The following SLC2A13 variants were observed in gnomAD, a reference collection of about 807,000 sequenced individuals.
SLC2A13 encodes the protein solute carrier family 2 member 13, also known as proton myo-inositol cotransporter.
In SLC2A13, 32 loss-of-function variants were observed where a neutral mutation model predicts 64.4. The ratio of observed to expected loss-of-function variants is 0.50; its 90% CI spans 0.37 to 0.67. The LOEUF is 0.67. Ranked by LOEUF, SLC2A13 falls within the 30% of genes least tolerant of loss-of-function variation. SLC2A13 has a pLI of 0.00. For synonymous variants in SLC2A13, 338 were observed against 327.1 expected, an observed-to-expected ratio of 1.03 and a Z score of -0.36; for missense variants, 743 against 829.2, an observed-to-expected ratio of 0.90 and a Z score of 1.28.
intron 5 of SLC2A13, among the ~76,000 whole-genome samples, chr12:39,870,688 G>A (rs193194533): frequency 2.2e-3 from 332 of 152,208 alleles, no homozygotes; most frequent in African/African-American, 7.7e-3. Context: ...AATCATGTTT[G>A]CCCCTTAATC....
intron 6 of SLC2A13, among the ~76,000 whole-genome samples, chr12:39,848,987 C>T (rs1943395441): frequency 1.3e-5 from 2 of 151,872 alleles, no homozygotes; most frequent in Admixed American, 6.6e-5. Flanking sequence ...CTTATGAACA[C>T]AAAGAAGGAA....
At chr12:40,084,154 G>T (rs1938511880) in intron 1 of SLC2A13, among the ~76,000 whole-genome samples, 1 of 152,130 alleles carries the variant, frequency 6.6e-6, no homozygotes. Context: ...ATCTGGCAGG[G>T]TAACTGCAAA....
At chr12:39,902,280 T>A (rs1049607330) in intron 4 of SLC2A13, among the ~76,000 whole-genome samples, 2 of 151,788 alleles carry the variant, frequency 1.3e-5, no homozygotes, top group East Asian at 1.9e-4. Flanking sequence ...GCATGGCACA[T>A]GTATACATAT....
intron 3 of SLC2A13, among the ~76,000 whole-genome samples, chr12:39,994,172 G>A (rs1249267758): frequency 6.6e-6 from 1 of 151,826 alleles, no homozygotes; most frequent in South Asian, 2.1e-4. Flanking sequence ...GACGGATCAC[G>A]AGGTCAGGAG....
intron 3 of SLC2A13, among the ~76,000 whole-genome samples, chr12:40,012,270 T>G (rs978612066): frequency 6.6e-6 from 1 of 152,168 alleles, no homozygotes; most frequent in Non-Finnish European, 1.5e-5. Context: ...GAAACAACCA[T>G]GAGGAGTTTA....
At chr12:39,861,001 C>T (rs945330985) in intron 6 of SLC2A13, among the ~76,000 whole-genome samples, 3 of 152,216 alleles carry the variant, frequency 2.0e-5, no homozygotes, top group Non-Finnish European at 4.4e-5. Context: ...CATGATTTGG[C>T]TCTGATCTGT....
At chr12:39,845,676 T>C (rs976743652) in intron 6 of SLC2A13, among the ~76,000 whole-genome samples, 1 of 152,104 alleles carries the variant, frequency 6.6e-6, no homozygotes, top group Non-Finnish European at 1.5e-5. Context: ...CTTGAAGGCA[T>C]CCCCCTAGAT....
chr12:39,764,974 GT>G (rs1315934169), intron 7 of SLC2A13, 116 bp from the exon 8 acceptor site: 3 of 1,203,340 alleles, frequency 2.5e-6, no homozygotes, highest in Admixed American at 5.5e-5. Flanking sequence ...AGTCCAAAAT[GT>G]TTTTCTTAAA....
At chr12:39,801,482 C>T (rs1399369610) in intron 7 of SLC2A13, among the ~76,000 whole-genome samples, 1 of 152,030 alleles carries the variant, frequency 6.6e-6, no homozygotes, top group Non-Finnish European at 1.5e-5. Context: ...GACCTCATGA[C>T]ATAGTCTAAT....
intron 4 of SLC2A13, among the ~76,000 whole-genome samples, chr12:39,913,725 A>T (rs1289506555): frequency 2.0e-5 from 3 of 151,828 alleles, no homozygotes; most frequent in Non-Finnish European, 4.4e-5. Flanking sequence ...TACATGTGAT[A>T]TGTAACTACT....
At chr12:40,058,829 A>C (rs1948374032) in intron 1 of SLC2A13, among the ~76,000 whole-genome samples, 1 of 152,166 alleles carries the variant, frequency 6.6e-6, no homozygotes, top group Non-Finnish European at 1.5e-5. Flanking sequence ...TGAGAAACAG[A>C]CTCTACATTA....
At chr12:39,840,150 G>A (rs988354863) in intron 6 of SLC2A13, among the ~76,000 whole-genome samples, 2 of 151,996 alleles carry the variant, frequency 1.3e-5, no homozygotes, top group African/African-American at 4.8e-5. Context: ...TCCTGCCTCA[G>A]CTTCCTGAGT....
chr12:39,765,367 C>T (rs772688557), intron 7 of SLC2A13, among the ~76,000 whole-genome samples: 16 of 151,978 alleles, frequency 1.1e-4, no homozygotes, highest in Admixed American at 2.6e-4. Context: ...CTTTCTGCTC[C>T]GTGTCCTTGC....
At chr12:39,892,510 CA>C (rs1944639651) in intron 4 of SLC2A13, among the ~76,000 whole-genome samples, 1 of 152,148 alleles carries the variant, frequency 6.6e-6, no homozygotes, top group Non-Finnish European at 1.5e-5. Context: ...GAACTTTAGT[CA>C]AAAGATTTTT....
At chr12:39,945,179 T>C (rs1946113225) in intron 4 of SLC2A13, among the ~76,000 whole-genome samples, 1 of 152,244 alleles carries the variant, frequency 6.6e-6, no homozygotes, top group Non-Finnish European at 1.5e-5. Flanking sequence ...AGGCTGAAGA[T>C]GGGTCCTCAA....
At chr12:40,103,606 T>A (rs1290259617) in intron 1 of SLC2A13, among the ~76,000 whole-genome samples, 1 of 152,122 alleles carries the variant, frequency 6.6e-6, no homozygotes, top group African/African-American at 2.4e-5. Context: ...AGCAAAACAC[T>A]AGGAAGCTTC....
chr12:39,890,713 T>A (rs1944585459), intron 4 of SLC2A13, among the ~76,000 whole-genome samples: 1 of 152,208 alleles, frequency 6.6e-6, no homozygotes. Flanking sequence ...TTATTACATA[T>A]CAATTAAATT....
At chr12:39,858,676 G>A (rs999776301) in intron 6 of SLC2A13, among the ~76,000 whole-genome samples, 2 of 152,034 alleles carry the variant, frequency 1.3e-5, no homozygotes, top group East Asian at 3.9e-4. Flanking sequence ...GCACGATCTC[G>A]GCTCACTGCA....
chr12:39,905,819 C>A (rs1945258433), intron 4 of SLC2A13, among the ~76,000 whole-genome samples: 3 of 19,108 alleles, frequency 1.6e-4, no homozygotes, highest in African/African-American at 1.7e-4. Flanking sequence ...ATTAAAATGC[C>A]CAGAAAAAAA....
Sources: allele counts gnomAD v4.1 joint callset (sites outside exome capture counted in the v4.1 genomes callset), GRCh38; gene constraint gnomAD v4.1.1; transcripts MANE v1.5; gene names NCBI Gene and HGNC (gene_info 2026-07-23, HGNC 2026-07-21).